Variants in NKAIN2 observed in about 807,000 individuals in gnomAD.
NKAIN2 encodes sodium/potassium-transporting ATPase subunit beta-1-interacting protein 2.
In NKAIN2, 14 loss-of-function variants were observed where a neutral mutation model predicts 32.6. The ratio of observed to expected loss-of-function variants is 0.43; its 90% CI spans 0.28 to 0.67. The LOEUF is 0.67. NKAIN2 is among the 30% of genes least tolerant of loss of function. The pLI is 0.17. For missense variants in NKAIN2, 198 were observed against 258.3 expected (o/e 0.77, Z 1.60); for synonymous variants, 80 against 87.2 (o/e 0.92, Z 0.46).
chr6:123,915,591 G>T (rs1044227579), intron 1 of NKAIN2, among the ~76,000 whole-genome samples: 1 of 152,138 alleles, frequency 6.6e-6, no homozygotes, highest in African/African-American at 2.4e-5. Flanking sequence ...TTGCTCAGGC[G>T]CAATTTACAT....
intron 3 of NKAIN2, among the ~76,000 whole-genome samples, chr6:124,389,076 A>G (rs1230402618): frequency 6.6e-6 from 1 of 152,120 alleles, no homozygotes; most frequent in African/African-American, 2.4e-5. Flanking sequence ...CACACATAAT[A>G]CAAAATTATA....
At chr6:124,157,485 G>C (rs915137089) in intron 1 of NKAIN2, among the ~76,000 whole-genome samples, 1 of 152,082 alleles carries the variant, frequency 6.6e-6, no homozygotes, top group Non-Finnish European at 1.5e-5. Flanking sequence ...TTGAAACATG[G>C]TGAAGTTGTT....
intron 2 of NKAIN2, among the ~76,000 whole-genome samples, chr6:124,302,890 A>G (rs1796347941): frequency 6.6e-6 from 1 of 152,212 alleles, no homozygotes; most frequent in South Asian, 2.1e-4. Context: ...AAAGGTATCA[A>G]AATATGTAGA....
intron 1 of NKAIN2, among the ~76,000 whole-genome samples, chr6:124,260,465 C>T (rs1794191781): frequency 6.6e-6 from 1 of 152,056 alleles, no homozygotes; most frequent in Non-Finnish European, 1.5e-5. Flanking sequence ...ACACAGGTGT[C>T]AGGGAAAAGA....
chr6:124,138,683 A>T (rs1307102185), intron 1 of NKAIN2, among the ~76,000 whole-genome samples: 1 of 143,234 alleles, frequency 7.0e-6, no homozygotes, highest in African/African-American at 2.7e-5. Context: ...ATGTTATATA[A>T]GTGGATATAT....
At chr6:124,181,684 T>C (rs568667387) in intron 1 of NKAIN2, among the ~76,000 whole-genome samples, 1 of 152,268 alleles carries the variant, frequency 6.6e-6, no homozygotes, top group South Asian at 2.1e-4. Context: ...GGGCAAAATG[T>C]TGCCGGTCTT....
chr6:124,452,643 A>C (rs895937928), intron 3 of NKAIN2, among the ~76,000 whole-genome samples: 2 of 152,128 alleles, frequency 1.3e-5, no homozygotes, highest in Non-Finnish European at 2.9e-5. Flanking sequence ...GGAATCTTTT[A>C]TATCTATGAC....
At chr6:124,347,652 C>A (rs950880786) in intron 2 of NKAIN2, among the ~76,000 whole-genome samples, 7 of 152,210 alleles carry the variant, frequency 4.6e-5, no homozygotes, top group Non-Finnish European at 1.0e-4. Context: ...CTGCATTCTT[C>A]ACGTAGTTCT....
chr6:124,070,991 C>G (rs890620861), intron 1 of NKAIN2, among the ~76,000 whole-genome samples: 1 of 152,152 alleles, frequency 6.6e-6, no homozygotes, highest in Non-Finnish European at 1.5e-5. Context: ...TGGTTAGGGG[C>G]TGAGCACAGC....
At chr6:124,288,348 G>C (rs1316139989) in intron 2 of NKAIN2, among the ~76,000 whole-genome samples, 1 of 152,162 alleles carries the variant, frequency 6.6e-6, no homozygotes, top group Non-Finnish European at 1.5e-5. Context: ...ATGAACAAAG[G>C]TGCTGTTAAG....
intron 1 of NKAIN2, among the ~76,000 whole-genome samples, chr6:123,822,954 A>C (rs1270096428): frequency 6.6e-6 from 1 of 152,112 alleles, no homozygotes; most frequent in Non-Finnish European, 1.5e-5. Context: ...CTAGCAAAAG[A>C]GTTTAAATTT....
At chr6:124,725,885 C>T (rs963431580) in intron 4 of NKAIN2, among the ~76,000 whole-genome samples, 1 of 152,342 alleles carries the variant, frequency 6.6e-6, no homozygotes, top group South Asian at 2.1e-4. Flanking sequence ...CGAGGCATTG[C>T]CTCACTTGGG....
intron 1 of NKAIN2, among the ~76,000 whole-genome samples, chr6:123,851,941 C>T (rs1224190105): frequency 6.6e-6 from 1 of 151,788 alleles, no homozygotes; most frequent in Non-Finnish European, 1.5e-5. Context: ...TTTTGCTGTG[C>T]AGAGATTTTG....
At chr6:124,811,858 A>T (rs574429446) in intron 5 of NKAIN2, among the ~76,000 whole-genome samples, 2 of 152,152 alleles carry the variant, frequency 1.3e-5, no homozygotes, top group African/African-American at 2.4e-5. Flanking sequence ...CATATCAATT[A>T]TACCTCAGTA....
intron 4 of NKAIN2, among the ~76,000 whole-genome samples, chr6:124,732,402 A>C (rs2114667717): frequency 6.6e-6 from 1 of 152,190 alleles, no homozygotes; most frequent in African/African-American, 2.4e-5. Context: ...AGAGGCAAAT[A>C]AGGACAGAAG....
Position 124,186,153 on chromosome 6 carries a change from A to AAGGGAGGGAGGGACGG in NKAIN2, c.55-96839_55-96838insCGGAGGGAGGGAGGGA, listed in dbSNP as rs1554263937. 1.6e-5 allele frequency among the ~76,000 whole-genome samples: 2 copies of AAGGGAGGGAGGGACGG among 126,944 alleles called. 1 individual carries two copies. The highest frequency in any genetic ancestry group is 6.5e-5 in the African/African-American group (2 of 30,580). 83.3% of individuals were successfully genotyped at this position (126,944 alleles called of 152,430 possible). A position where few individuals can be genotyped will look rare whatever the true frequency, so the allele number is the denominator to read the frequency against. ...AAAAAAGAAAAGAAAGGAAGGAAGG[A>AAGGGAGGGAGGGACGG]AGGGAGGGAGGGAGGGAGGGAAAGA... On this transcript the variant is annotated intron_variant, in intron 1 of 6. Coordinates refer to ENST00000368417, the MANE Select transcript of NKAIN2 (RefSeq NM_001040214.3).
chr6:123,976,913 C>T (rs1778665191), intron 1 of NKAIN2, among the ~76,000 whole-genome samples: 1 of 151,684 alleles, frequency 6.6e-6, no homozygotes, highest in Admixed American at 6.6e-5. Flanking sequence ...GAAAGTGGCA[C>T]GGATAATAGT....
intron 1 of NKAIN2, among the ~76,000 whole-genome samples, chr6:124,209,655 A>G (rs1791072844): frequency 6.6e-6 from 1 of 151,812 alleles, no homozygotes; most frequent in Non-Finnish European, 1.5e-5. Context: ...TATTTTAACA[A>G]TGGTAAGATG....
intron 3 of NKAIN2, among the ~76,000 whole-genome samples, chr6:124,577,343 C>T (rs565619160): frequency 2.6e-4 from 39 of 152,232 alleles, no homozygotes; most frequent in Admixed American, 9.2e-4. Flanking sequence ...CACCACCCCT[C>T]CTGCACCCCC....
Sources: gnomAD v4.1 joint callset for allele counts (sites outside exome capture counted in the v4.1 genomes callset) on GRCh38, gnomAD v4.1.1 for gene constraint, MANE v1.5 for transcripts, NCBI Gene and HGNC (gene_info 2026-07-23, HGNC 2026-07-21) for gene names.